IL16: variants seen among roughly 807,000 people sequenced by gnomAD.
The protein encoded by IL16 is pro-interleukin-16.
A neutral mutation model predicts 110.1 loss-of-function variants in IL16; 67 were observed. The ratio of observed to expected loss-of-function variants is 0.61; its 90% CI spans 0.50 to 0.75. The LOEUF (loss-of-function observed/expected upper bound fraction) is 0.75. IL16 is among the 30% of genes least tolerant of loss of function. The probability of loss-of-function intolerance (pLI) is 0.00; values close to 1 mark genes in which losing one functional copy is unlikely to be tolerated. For missense variants in IL16, 1,545 were observed against 1,655.0 expected (o/e 0.93, Z 1.15); for synonymous variants, 689 against 662.9 (o/e 1.04, Z -0.61).
intron 13 of IL16, among the ~76,000 whole-genome samples, chr15:81,298,015 C>A (rs377529599): frequency 3.3e-5 from 5 of 152,200 alleles, no homozygotes; most frequent in Non-Finnish European, 7.3e-5. Context: ...CCCTTAGTCA[C>A]CCTAATTGAG....
intron 3 of IL16, among the ~76,000 whole-genome samples, chr15:81,263,875 G>A (rs368701851): frequency 1.3e-5 from 2 of 152,134 alleles, no homozygotes; most frequent in East Asian, 1.9e-4. Context: ...GCCTCAGACT[G>A]TTTCTTCACT....
intron 2 of IL16, among the ~76,000 whole-genome samples, chr15:81,258,730 G>GCTCT (rs145587698): frequency 0.012 from 1,721 of 147,812 alleles, 38 homozygotes; most frequent in African/African-American, 0.041. Flanking sequence ...TCGCGCACGC[G>GCTCT]CTCTCTCTCT....
rs1900249147 is a variant in IL16, at chr15:81,300,861, A to G, written c.3149+386A>G. 2.0e-5 allele frequency among the ~76,000 whole-genome samples: 3 copies of G among 152,220 alleles called. No homozygotes were observed. In the South Asian group the frequency reaches 6.2e-4, roughly 32 times the overall value. The stretch of plus-strand genomic sequence containing the variant: ...CCAGAATGAGGCCAGGAAATTATCC[A>G]TCAGGAATTCTTACTCTCCAAATGG... On this transcript the variant is annotated intron_variant, in intron 14 of 18. Transcript: ENST00000683961.
Position 81,197,038 on chromosome 15 carries a change from G to A in IL16, c.-216G>A, listed in dbSNP as rs1326891740. ...CTTGCCGGCTCTGACCCAGGCCTGG[G>A]CCACAGGCTGTCCGGGAATAAGTGG... On this transcript the variant is annotated 5_prime_UTR_variant, in exon 1 of 19. Coordinates refer to ENST00000683961, the MANE Select transcript of IL16 (RefSeq NM_172217.5). 7.8e-7 allele frequency: 1 copy of A among 1,288,526 alleles called. No individual in the cohort carries two copies. Among genetic ancestry groups the A allele is most frequent in the Non-Finnish European group, 1.0e-6 (1 of 988,508 alleles). 79.8% of individuals were successfully genotyped at this position (1,288,526 alleles called of 1,614,324 possible). A position where few individuals can be genotyped will look rare whatever the true frequency, so the allele number is the denominator to read the frequency against.
At chr15:81,206,343 T>G (rs1031929601) in intron 1 of IL16, among the ~76,000 whole-genome samples, 4 of 152,200 alleles carry the variant, frequency 2.6e-5, no homozygotes, top group African/African-American at 9.6e-5. Flanking sequence ...TGTAACACAG[T>G]GGTAAGTATT....
chr15:81,257,475 GA>G (rs1350970971), intron 2 of IL16, among the ~76,000 whole-genome samples: 23 of 152,180 alleles, frequency 1.5e-4, no homozygotes, highest in African/African-American at 4.1e-4. Flanking sequence ...GAACTCATGA[GA>G]ACTTTCTGCA....
intron 1 of IL16, among the ~76,000 whole-genome samples, chr15:81,188,793 C>T (rs539811033): frequency 2.0e-4 from 31 of 152,144 alleles, no homozygotes; most frequent in Admixed American, 2.0e-3. Context: ...CCCTTCCTCT[C>T]ACAGCTACTT....
At position 81,273,083 on chromosome 15, in the gene IL16, T is replaced by C. The variant is rs528796696; in HGVS notation, c.676-7T>C. 3.7e-6 allele frequency: 6 copies of C among 1,609,380 alleles called. No homozygotes were observed. Among genetic ancestry groups the C allele is most frequent in the African/African-American group, 1.3e-5 (1 of 74,920 alleles). ...CCCTAAATCAGACCTTCTCTTTTTT[T>C]CCCCAGGGTCTGGGCTTCAGCATCG... On this transcript the variant is annotated splice_region_variant and splice_polypyrimidine_tract_variant and intron_variant, in intron 5 of 18. Coordinates refer to ENST00000683961, the MANE Select transcript of IL16 (RefSeq NM_172217.5).
intron 17 of IL16, 95 bp downstream of exon 17, chr15:81,306,261 C>G: frequency 6.5e-7 from 1 of 1,535,488 alleles, no homozygotes; most frequent in Non-Finnish European, 8.8e-7. Context: ...ATTTGTGACC[C>G]CAAGAATGTG....
Position 81,306,697 on chromosome 15 carries a change from GCTTTTTCTA to G in IL16, c.3805+161_3805+169del, listed in dbSNP as rs138239545. On this transcript the variant is annotated intron_variant, in intron 18 of 18. Coordinates refer to ENST00000683961, the MANE Select transcript of IL16 (RefSeq NM_172217.5). The stretch of plus-strand genomic sequence containing the variant: ...GCTGGTCCTTTTAGGGCTCAATTCT[GCTTTTTCTA>G]CTTTTTCTCCTTTGCTCAGACATCC... 7,981 of 949,872 alleles carry G rather than the reference GCTTTTTCTA, an allele frequency of 8.4e-3. 71 individuals carry two copies. Among genetic ancestry groups the G allele is most frequent in the Middle Eastern group, 0.04 (193 of 4,776 alleles). 58.8% of individuals were successfully genotyped at this position (949,872 alleles called of 1,614,324 possible). A position where few individuals can be genotyped will look rare whatever the true frequency, so the allele number is the denominator to read the frequency against.
chr15:81,251,314 G>A (rs890441739), intron 2 of IL16, among the ~76,000 whole-genome samples: 10 of 152,160 alleles, frequency 6.6e-5, no homozygotes, highest in East Asian at 5.8e-4. Flanking sequence ...CTACAGGTTC[G>A]TACCACCACA....
chr15:81,269,740 A>AGTCCTATT, intron 5 of IL16, 92 bp downstream of exon 5: 13 of 872,624 alleles, frequency 1.5e-5, no homozygotes, highest in South Asian at 2.9e-5. Flanking sequence ...GAATAGGACT[A>AGTCCTATT]CTGGGGTGTC....
intron 1 of IL16, among the ~76,000 whole-genome samples, chr15:81,222,560 T>C (rs1379657856): frequency 1.3e-5 from 2 of 151,268 alleles, no homozygotes; most frequent in Non-Finnish European, 2.9e-5. Context: ...ATGAGTTCTG[T>C]ACCTTCTGTG....
chr15:81,232,056 T>TC (rs1555415643), intron 2 of IL16, among the ~76,000 whole-genome samples: 1 of 141,660 alleles, frequency 7.1e-6, no homozygotes, highest in Non-Finnish European at 1.5e-5. Flanking sequence ...TTTTTTTTTT[T>TC]TTTTTTTTTT....
intron 2 of IL16, among the ~76,000 whole-genome samples, chr15:81,236,184 A>G (rs1329673588): frequency 1.3e-5 from 2 of 152,214 alleles, no homozygotes; most frequent in Non-Finnish European, 2.9e-5. Context: ...GGTTGGAGAA[A>G]AGGTGGTCAA....
intron 1 of IL16, among the ~76,000 whole-genome samples, chr15:81,222,947 G>T (rs1404441755): frequency 1.3e-5 from 2 of 152,160 alleles, no homozygotes; most frequent in Non-Finnish European, 2.9e-5. Context: ...GATTGGGGAT[G>T]GGGGCAGAGG....
In IL16 at chr15:81,303,103, C is replaced by CTGTG. The variant is rs1900373651; in HGVS notation, c.3319-445_3319-442dup. On this transcript the variant is annotated intron_variant, in intron 15 of 18. Transcript: ENST00000683961. The surrounding 1 kb of genome is among the most constrained non-coding windows in gnomAD (Gnocchi z 4.1). ...TAGCTGGGCTTCCTTAGTGCTGCTG[C>CTGTG]TGTGACCCATGGAGAAGTAGAAGGG... is the stretch of plus-strand genomic sequence containing the variant. 1.8e-5 allele frequency: 3 copies of CTGTG among 165,270 alleles called. No individual in the cohort carries two copies. In the South Asian group the frequency reaches 4.0e-4, roughly 22 times the overall value. The allele number at this position is 165,270 out of a possible 1,614,324, so 10.2% of individuals were successfully genotyped here.
Position 81,259,803 on chromosome 15 carries a change from C to G in IL16, c.344C>G (p.Pro115Arg). The stretch of plus-strand genomic sequence containing the variant: ...TCCACAGCTTCCTCTCGAGAAAAGC[C>G]TGGAAAACTAGAAGCACAAAGTAGT... ...ESSTASSREK[P>R]GKLEAQSSNF... Residue 115 changes from proline (P) to arginine (R), a missense_variant, in exon 3 of 19, where the codon CCT becomes CGT. By Grantham distance (103) the Pro-to-Arg change is moderately radical (BLOSUM62 -2). This residue lies in a region of IL16 where 1,185 missense variants were observed against 1,238.8 expected (regional missense o/e 0.96). Coordinates refer to ENST00000683961, the MANE Select transcript of IL16 (RefSeq NM_172217.5). 3 of 1,613,812 alleles carry G rather than the reference C, an allele frequency of 1.9e-6. No homozygotes were observed. The highest frequency in any genetic ancestry group is 1.3e-5 in the African/African-American group (1 of 75,026).
At chr15:81,265,405 T>C (rs750825005) in intron 3 of IL16, among the ~76,000 whole-genome samples, 2 of 152,178 alleles carry the variant, frequency 1.3e-5, no homozygotes, top group Non-Finnish European at 2.9e-5. Context: ...CAACTCTTGT[T>C]GCATTGAATG....
Sources: allele counts gnomAD v4.1 joint callset (sites outside exome capture counted in the v4.1 genomes callset), GRCh38; gene constraint gnomAD v4.1.1; regional missense constraint gnomAD v4.1.1; non-coding constraint Gnocchi (gnomAD v3.1); transcripts MANE v1.5; gene names NCBI Gene and HGNC (gene_info 2026-07-23, HGNC 2026-07-21).